The following NAALADL2 variants were observed in gnomAD, a reference collection of about 807,000 sequenced individuals.
The protein encoded by NAALADL2 is N-acetylated alpha-linked acidic dipeptidase like 2, also known as inactive N-acetylated-alpha-linked acidic dipeptidase-like protein 2.
In NAALADL2, 76 loss-of-function variants were observed where a neutral mutation model predicts 87.2. That is an observed-to-expected ratio of 0.87 (90% confidence interval 0.72 to 1.05). NAALADL2 has a LOEUF of 1.05. Among genes scored for constraint, NAALADL2 ranks in the 50% least tolerant of loss-of-function variants. NAALADL2 has a pLI of 0.00. For synonymous variants in NAALADL2, 354 were observed against 331.0 expected (o/e 1.07, Z -0.75); for missense variants, 1,089 against 945.8 (o/e 1.15, Z -1.99).
chr3:174,564,464 G>T (rs1713997397), intron 2 of NAALADL2, among the ~76,000 whole-genome samples: 1 of 152,082 alleles, frequency 6.6e-6, no homozygotes, highest in Non-Finnish European at 1.5e-5. Flanking sequence ...TGCTTGAAAA[G>T]AATGTGTATT....
chr3:174,855,334 G>A (rs1344947677), upstream of NAALADL2, among the ~76,000 whole-genome samples: 1 of 152,048 alleles, frequency 6.6e-6, no homozygotes, highest in East Asian at 1.9e-4. Context: ...GACCACCTGT[G>A]TTTATTCAGT....
At chr3:175,346,194 A>T (rs1763138379) in intron 5 of NAALADL2, among the ~76,000 whole-genome samples, 1 of 152,172 alleles carries the variant, frequency 6.6e-6, no homozygotes, top group Admixed American at 6.5e-5. Context: ...AGTATACAAA[A>T]ATATGAATAA....
intron 9 of NAALADL2, among the ~76,000 whole-genome samples, chr3:175,507,229 C>T (rs1448857873): frequency 1.3e-5 from 2 of 152,058 alleles, no homozygotes; most frequent in African/African-American, 4.8e-5. Context: ...GTTTTACTAA[C>T]AGTGCCTGTT....
rs146548802 is a variant in NAALADL2 at position 174,589,305 on chromosome 3, C to T, written c.-115+38668C>T. 4.0e-3 allele frequency among the ~76,000 whole-genome samples: 606 copies of T among 152,280 alleles called. 1 individual carries two copies. Among genetic ancestry groups the T allele is most frequent in the African/African-American group, 0.014 (586 of 41,574 alleles). The stretch of plus-strand genomic sequence containing the variant: ...CTTCCCTTGGCTAGGAAAGGGAATT[C>T]CCCGACCCCTTGTGCTTCCCGGCTG... On this transcript the variant is annotated intron_variant, in intron 2 of 3. Coordinates refer to the NAALADL2 transcript ENST00000434257.
chr3:174,492,287 A>T (rs1446175511), intron 1 of NAALADL2, among the ~76,000 whole-genome samples: 1 of 152,010 alleles, frequency 6.6e-6, no homozygotes, highest in Non-Finnish European at 1.5e-5. Context: ...AAAAAAGAAA[A>T]AAAGAAAAAC....
At chr3:175,636,227 C>G (rs1728515063) in intron 11 of NAALADL2, among the ~76,000 whole-genome samples, 2 of 152,072 alleles carry the variant, frequency 1.3e-5, no homozygotes, top group African/African-American at 4.8e-5. Flanking sequence ...TGTGTGTGCT[C>G]TCTTGGTAGA....
chr3:175,011,263 G>GAGAGGGAGAGAGA (rs1560472148), intron 1 of NAALADL2, among the ~76,000 whole-genome samples: 1 of 87,972 alleles, frequency 1.1e-5, no homozygotes, highest in African/African-American at 4.9e-5. Flanking sequence ...AGAGAGAGAG[G>GAGAGGGAGAGAGA]GAGAGAGACA....
At chr3:174,753,447 C>T (rs1711534922) in intron 3 of NAALADL2, among the ~76,000 whole-genome samples, 1 of 152,180 alleles carries the variant, frequency 6.6e-6, no homozygotes, top group Non-Finnish European at 1.5e-5. Flanking sequence ...TAGTTTTGAA[C>T]GTCCTTACTC....
At chr3:174,465,244 G>T (rs1480218925) in intron 1 of NAALADL2, among the ~76,000 whole-genome samples, 1 of 151,848 alleles carries the variant, frequency 6.6e-6, no homozygotes, top group East Asian at 1.9e-4. Flanking sequence ...ATTGAAAAAA[G>T]GTAATTTTGA....
intron 3 of NAALADL2, among the ~76,000 whole-genome samples, chr3:174,820,830 TG>T (rs1477506079): frequency 2.0e-5 from 3 of 149,130 alleles, no homozygotes; most frequent in African/African-American, 5.0e-5. Context: ...ATGTGGTATA[TG>T]TTTTTTTAAA....
At chr3:175,545,040 A>T (rs1353300739) in intron 9 of NAALADL2, among the ~76,000 whole-genome samples, 1 of 152,212 alleles carries the variant, frequency 6.6e-6, no homozygotes, top group Non-Finnish European at 1.5e-5. Context: ...AAACATTTGT[A>T]TGACAAACAA....
At chr3:175,370,227 A>G (rs955707612) in intron 5 of NAALADL2, among the ~76,000 whole-genome samples, 1 of 152,170 alleles carries the variant, frequency 6.6e-6, no homozygotes, top group Admixed American at 6.5e-5. Flanking sequence ...TCTGGTTGCT[A>G]TCCAGGAGAG....
At chr3:174,890,042 T>C (rs540830352) in intron 1 of NAALADL2, among the ~76,000 whole-genome samples, 3 of 152,246 alleles carry the variant, frequency 2.0e-5, no homozygotes, top group South Asian at 2.1e-4. Context: ...TGGTTCCAAA[T>C]TGTAGGGGAG....
chr3:174,674,051 G>A (rs1726816871), intron 2 of NAALADL2, among the ~76,000 whole-genome samples: 1 of 151,966 alleles, frequency 6.6e-6, no homozygotes, highest in African/African-American at 2.4e-5. Context: ...AGCTCTGCAG[G>A]CTGTACAAGC....
chr3:174,773,033 A>G (rs1714774430), intron 3 of NAALADL2, among the ~76,000 whole-genome samples: 1 of 152,224 alleles, frequency 6.6e-6, no homozygotes, highest in Non-Finnish European at 1.5e-5. Flanking sequence ...TAGTGAGAAC[A>G]AAAATAATGC....
chr3:174,556,002 TG>T (rs1560052111), intron 2 of NAALADL2, among the ~76,000 whole-genome samples: 2 of 138,330 alleles, frequency 1.4e-5, no homozygotes, highest in African/African-American at 5.7e-5. Flanking sequence ...TGTGTGTGTG[TG>T]TGTGTGCGCG....
chr3:175,515,267 T>C (rs992738628), intron 9 of NAALADL2, among the ~76,000 whole-genome samples: 1 of 152,184 alleles, frequency 6.6e-6, no homozygotes, highest in African/African-American at 2.4e-5. Context: ...ATAGCTAGTA[T>C]CAAACAGAGC....
intron 5 of NAALADL2, among the ~76,000 whole-genome samples, chr3:175,355,032 G>A (rs1764207672): frequency 6.8e-6 from 1 of 148,046 alleles, no homozygotes. Context: ...ATGTGTGTGT[G>A]TGTGTGTGTG....
At chr3:174,545,920 A>G (rs1293468257) in intron 1 of NAALADL2, among the ~76,000 whole-genome samples, 1 of 149,996 alleles carries the variant, frequency 6.7e-6, no homozygotes, top group Non-Finnish European at 1.5e-5. Context: ...TTAATTATAT[A>G]TTTTATATAT....
Sources: allele counts gnomAD v4.1 joint callset (sites outside exome capture counted in the v4.1 genomes callset), GRCh38; gene constraint gnomAD v4.1.1; transcripts MANE v1.5; gene names NCBI Gene and HGNC (gene_info 2026-07-23, HGNC 2026-07-21).